The following VPS13A variants were observed in gnomAD, a reference collection of about 807,000 sequenced individuals.
The protein encoded by VPS13A is intermembrane lipid transfer protein VPS13A.
In VPS13A, 264 loss-of-function variants were observed where a neutral mutation model predicts 390.9. That is an observed-to-expected ratio of 0.68 (90% CI 0.61 to 0.75). The LOEUF (loss-of-function observed/expected upper bound fraction) is 0.75. Among genes scored for constraint, VPS13A ranks in the 30% least tolerant of loss-of-function variants. The pLI is 0.00. For missense variants in VPS13A, 3,409 were observed against 3,733.9 expected (o/e 0.91, Z 2.27); for synonymous variants, 1,231 against 1,227.1 (o/e 1.00, Z -0.07).
At chr9:77,386,550 GA>G (rs1833691634) in intron 68 of VPS13A, among the ~76,000 whole-genome samples, 1 of 151,618 alleles carries the variant, frequency 6.6e-6, no homozygotes, top group African/African-American at 2.4e-5. Flanking sequence ...TTCATGAAAA[GA>G]AAATTGGAGG....
At chr9:77,351,169 T>C in intron 52 of VPS13A, 148 bp from the exon 53 acceptor site, 1 of 968,146 alleles carries the variant, frequency 1.0e-6, no homozygotes, top group Non-Finnish European at 1.5e-6. Flanking sequence ...CTTTTTTAAT[T>C]GTATAAGGTA....
intron 10 of VPS13A, among the ~76,000 whole-genome samples, chr9:77,217,219 A>G (rs1056384466): frequency 1.3e-5 from 2 of 152,218 alleles, no homozygotes; most frequent in South Asian, 4.1e-4. Flanking sequence ...GGTTCAAACT[A>G]GCAACATCAT....
At chr9:77,396,080 CT>C (rs138156814) in intron 68 of VPS13A, among the ~76,000 whole-genome samples, 4,791 of 152,152 alleles carry the variant, frequency 0.031, 130 homozygotes, top group Non-Finnish European at 0.045. Context: ...ACTTTTGTTA[CT>C]GTGCACCTAC....
chr9:77,246,988 T>C (rs1587411643), intron 19 of VPS13A, among the ~76,000 whole-genome samples: 1 of 152,268 alleles, frequency 6.6e-6, no homozygotes, highest in East Asian at 1.9e-4. Context: ...TTTTTTGGTC[T>C]GTATCTTCCC....
chr9:77,318,090 A>G (rs1829512740), intron 40 of VPS13A, 145 bp from the exon 41 acceptor site: 1 of 511,944 alleles, frequency 2.0e-6, no homozygotes, highest in Admixed American at 3.8e-5. Context: ...AATTTAAAAA[A>G]TTTTATAAAC....
intron 59 of VPS13A, among the ~76,000 whole-genome samples, chr9:77,363,030 C>A (rs1328435535): frequency 6.6e-6 from 1 of 152,082 alleles, no homozygotes; most frequent in Non-Finnish European, 1.5e-5. Context: ...GATTTCTATA[C>A]ATAAGATCGT....
chr9:77,415,937 A>C lies in VPS13A; in HGVS notation c.9475-19A>C. On this transcript the variant is annotated intron_variant, in intron 71 of 71. Coordinates refer to ENST00000360280, the MANE Select transcript of VPS13A (RefSeq NM_033305.3). ...AGTTCACTGAAGTAAGCAAATGTTC[A>C]TTTATTTTCCCACCGCAGTGGATCC... 1 of 1,612,886 alleles carries C rather than the reference A, an allele frequency of 6.2e-7. No individual in the cohort carries two copies. Among genetic ancestry groups the C allele is most frequent in the Non-Finnish European group, 8.5e-7 (1 of 1,179,112 alleles).
rs184962377 is a variant in VPS13A at position 77,193,616 on chromosome 9, A to G, written c.101-6329A>G. The stretch of plus-strand genomic sequence containing the variant: ...GCCACTGCACTCCAGCCTGGGCGAC[A>G]GGGCAAAACTCTCTCTTCAAAAAAA... On this transcript the variant is annotated intron_variant, in intron 1 of 71. Coordinates refer to ENST00000360280, the MANE Select transcript of VPS13A (RefSeq NM_033305.3). Among the ~76,000 whole-genome samples, 525 of 152,334 alleles carry G rather than the reference A, an allele frequency of 3.4e-3. 3 individuals are homozygous for G. The highest frequency in any genetic ancestry group is 6.8e-3 in the Middle Eastern group (2 of 294).
chr9:77,308,727 T>C (rs1350924057), intron 35 of VPS13A, among the ~76,000 whole-genome samples: 3 of 152,142 alleles, frequency 2.0e-5, no homozygotes, highest in Admixed American at 2.0e-4. Flanking sequence ...TGGGATGACA[T>C]TGCTGCATAA....
rs753892840 is a variant in VPS13A at position 77,247,320 on chromosome 9, A to G, written c.1962A>G (p.Ser654=). Residue 654 remains serine, a synonymous_variant, in exon 20 of 72, where the codon TCA becomes TCG. Transcript: ENST00000360280. ...VLDLKINLKA[S]YIIVPQDGIF... is the part of the protein sequence containing the mutation. ...ATCTCAAAATTAATTTGAAGGCTTC[A>G]TATATTATTGTCCCACAAGATGGAA... 6.2e-7 allele frequency: 1 copy of G among 1,611,172 alleles called. No homozygotes were observed. The highest frequency in any genetic ancestry group is 8.5e-7 in the Non-Finnish European group (1 of 1,178,534).
chr9:77,177,917 C>T, intron 1 of VPS13A, 113 bp downstream of exon 1: 1 of 875,690 alleles, frequency 1.1e-6, no homozygotes, highest in Non-Finnish European at 1.8e-6. Flanking sequence ...CCGGGTGCAG[C>T]CACCTGCCGC....
At chr9:77,383,965 G>GTT (rs1554677015) in intron 68 of VPS13A, among the ~76,000 whole-genome samples, 1 of 126,534 alleles carries the variant, frequency 7.9e-6, no homozygotes, top group Non-Finnish European at 1.7e-5. Flanking sequence ...GGTGGGTTTT[G>GTT]TTTTTTTTTT....
At chr9:77,383,200 C>G (rs1230424610) in intron 68 of VPS13A, among the ~76,000 whole-genome samples, 1 of 151,926 alleles carries the variant, frequency 6.6e-6, no homozygotes, top group Non-Finnish European at 1.5e-5. Flanking sequence ...CTAACTCTTT[C>G]TCTGAGGCTT....
At chr9:77,180,259 C>A (rs1823927057) in intron 1 of VPS13A, among the ~76,000 whole-genome samples, 1 of 152,188 alleles carries the variant, frequency 6.6e-6, no homozygotes, top group South Asian at 2.1e-4. Context: ...GGGTCATATG[C>A]TGACTTTGTG....
rs190493180 is a variant in VPS13A at position 77,379,171 on chromosome 9, C to T, written c.9078-2805C>T. On this transcript the variant is annotated intron_variant, in intron 67 of 71. Transcript: ENST00000360280. ...CACTGCAACCTCTGCCTCCCAGGTT[C>T]AAGAGATTCCCCTGCCTCAGCCTCC... Among the ~76,000 whole-genome samples, 22 of 140,874 alleles carry T rather than the reference C, an allele frequency of 1.6e-4. No homozygotes were observed. In the East Asian group the frequency reaches 4.4e-3, roughly 28 times the overall value. 92.4% of individuals were successfully genotyped at this position (140,874 alleles called of 152,430 possible).
At chr9:77,295,913 T>C (rs951043799) in intron 33 of VPS13A, 67 bp downstream of exon 33, 12 of 1,459,438 alleles carry the variant, frequency 8.2e-6, no homozygotes, top group Non-Finnish European at 1.1e-5. Flanking sequence ...GACTTTGATG[T>C]CTTGAGTAGT....
intron 62 of VPS13A, 43 bp downstream of exon 62, chr9:77,368,179 C>G: frequency 6.7e-7 from 1 of 1,497,826 alleles, no homozygotes; most frequent in Non-Finnish European, 9.2e-7. Flanking sequence ...GTGATACAGA[C>G]TGGTAAAACC....
At chr9:77,401,923 ATAAAT>A (rs1332791927) in intron 68 of VPS13A, among the ~76,000 whole-genome samples, 3 of 152,262 alleles carry the variant, frequency 2.0e-5, no homozygotes, top group South Asian at 2.1e-4. Context: ...TGCCTAATTG[ATAAAT>A]TAAACTTTAT....
chr9:77,321,621 C>T lies in VPS13A; in HGVS notation c.5705C>T (p.Pro1902Leu). Residue 1902 changes from proline (P) to leucine (L), a missense_variant, in exon 44 of 72, where the codon CCT (proline) becomes CTT (leucine). Physicochemically the swap from Pro to Leu is moderately conservative, Grantham distance 98. Around this residue, in one of 5 missense-constraint regions of VPS13A, gnomAD observed 2,717 missense variants for 2,917.4 expected, o/e 0.93. Coordinates refer to ENST00000360280, the MANE Select transcript of VPS13A (RefSeq NM_033305.3). ...PSDSFSVLNI[P>L]MAKSYVLKNG... Reference sequence around the variant, plus strand: ...GATTCTTTTAGTGTACTCAACATTCCTATGGCAAAATCATATGTATTGAAA... The same window carrying T: ...GATTCTTTTAGTGTACTCAACATTCTTATGGCAAAATCATATGTATTGAAA... 6.2e-7 allele frequency: 1 copy of T among 1,613,330 alleles called. No homozygotes were observed. The highest frequency in any genetic ancestry group is 8.5e-7 in the Non-Finnish European group (1 of 1,179,580).
Sources: gnomAD v4.1 joint callset for allele counts (sites outside exome capture counted in the v4.1 genomes callset) on GRCh38, gnomAD v4.1.1 for gene constraint, gnomAD v4.1.1 regional missense constraint, MANE v1.5 for transcripts, NCBI Gene and HGNC (gene_info 2026-07-23, HGNC 2026-07-21) for gene names.